Variants in DENND1A observed in about 807,000 individuals in gnomAD.
The protein encoded by DENND1A is DENN domain-containing protein 1A.
In DENND1A, 51 loss-of-function variants were observed where a neutral mutation model predicts 113.7. The ratio of observed to expected loss-of-function variants is 0.45; its 90% CI spans 0.36 to 0.57. The LOEUF (loss-of-function observed/expected upper bound fraction) is 0.57, where lower values mean the gene tolerates loss of function less well. Among genes scored for constraint, DENND1A ranks in the 20% least tolerant of loss-of-function variants. The probability of loss-of-function intolerance (pLI) is 0.00; values close to 1 mark genes in which losing one functional copy is unlikely to be tolerated. For synonymous variants in DENND1A, 565 were observed against 570.8 expected, an observed-to-expected ratio of 0.99 and a Z score of 0.14; for missense variants, 1,258 against 1,395.9, an observed-to-expected ratio of 0.90 and a Z score of 1.57.
At chr9:123,457,285 T>A (rs2048195277) in intron 15 of DENND1A, 63 bp downstream of exon 15, 10 of 1,300,122 alleles carry the variant, frequency 7.7e-6, no homozygotes, top group Admixed American at 3.4e-5. Flanking sequence ...TGCCACTCCT[T>A]GTCAAATATG....
At chr9:123,552,531 C>A (rs905313956) in intron 13 of DENND1A, among the ~76,000 whole-genome samples, 2 of 152,234 alleles carry the variant, frequency 1.3e-5, no homozygotes, top group Non-Finnish European at 2.9e-5. Context: ...ATGACCCCAC[C>A]TCCACCTCCC....
intron 2 of DENND1A, among the ~76,000 whole-genome samples, chr9:123,870,954 A>G (rs1402004075): frequency 1.3e-5 from 2 of 152,132 alleles, no homozygotes. Flanking sequence ...ATTCACTGTC[A>G]TTATTACTGA....
At chr9:123,818,777 T>C (rs1837998977) in intron 2 of DENND1A, among the ~76,000 whole-genome samples, 1 of 152,208 alleles carries the variant, frequency 6.6e-6, no homozygotes, top group Non-Finnish European at 1.5e-5. Flanking sequence ...AGGCTTCAGA[T>C]TCTGCAGCAT....
chr9:123,397,485 A>G lies in DENND1A; in HGVS notation c.1631+5917T>C, dbSNP rs144084375. ...AAGGATATTTACCCTGGCATTTTTT[A>G]TATTAATGAAAACCTGGAAAGGATC... On this transcript the variant is annotated intron_variant, in intron 21 of 23. Coordinates refer to ENST00000394215, the MANE Select transcript of DENND1A (RefSeq NM_001352964.2). Among the ~76,000 whole-genome samples the G allele has an allele frequency of 1.5e-3, 227 of 152,304 alleles. 1 individual carries two copies. The highest frequency in any genetic ancestry group is 4.8e-3 in the African/African-American group (200 of 41,564).
chr9:123,414,193 T>C (rs1237561434), intron 19 of DENND1A: 11 of 1,071,510 alleles, frequency 1.0e-5, no homozygotes, highest in Non-Finnish European at 1.3e-5. Flanking sequence ...TTCCAAGCCT[T>C]ACTGTCCTCA....
intron 13 of DENND1A, among the ~76,000 whole-genome samples, chr9:123,474,130 G>A (rs983123342): frequency 6.6e-6 from 1 of 151,248 alleles, no homozygotes; most frequent in African/African-American, 2.4e-5. Flanking sequence ...GAGTAGCTGG[G>A]ATTACAGGCA....
chr9:123,825,091 A>G (rs1245112540), intron 2 of DENND1A, among the ~76,000 whole-genome samples: 2 of 152,168 alleles, frequency 1.3e-5, no homozygotes, highest in African/African-American at 2.4e-5. Flanking sequence ...AAAATGCACC[A>G]TTAGTCATGA....
chr9:123,900,056 AT>A (rs1158485843), intron 1 of DENND1A, among the ~76,000 whole-genome samples: 2 of 152,240 alleles, frequency 1.3e-5, no homozygotes, highest in Admixed American at 1.3e-4. Flanking sequence ...GATTATCAGT[AT>A]TTACACCATA....
intron 1 of DENND1A, among the ~76,000 whole-genome samples, chr9:123,895,252 T>A (rs549311613): frequency 6.6e-6 from 1 of 152,178 alleles, no homozygotes; most frequent in East Asian, 1.9e-4. Flanking sequence ...ACCCTTCAGA[T>A]CCTCCACTGA....
At chr9:123,778,466 T>C (rs547270623) in intron 3 of DENND1A, among the ~76,000 whole-genome samples, 6 of 152,342 alleles carry the variant, frequency 3.9e-5, no homozygotes, top group African/African-American at 1.2e-4. Flanking sequence ...TCTTTCAAAG[T>C]GTTAAGACAT....
At chr9:123,845,767 A>C (rs1462060895) in intron 2 of DENND1A, among the ~76,000 whole-genome samples, 3 of 151,962 alleles carry the variant, frequency 2.0e-5, no homozygotes, top group Non-Finnish European at 4.4e-5. Context: ...CAAACAAACA[A>C]ACTTAGAAGA....
intron 5 of DENND1A, among the ~76,000 whole-genome samples, chr9:123,689,352 G>A (rs2140350015): frequency 6.6e-6 from 1 of 152,240 alleles, no homozygotes; most frequent in East Asian, 1.9e-4. Context: ...AACTCATATA[G>A]GATTGAATGA....
rs11315081 is a variant in DENND1A at position 123,651,857 on chromosome 9, TAA to T, written c.618+154_618+155del. ...ATAAATGAAATGTGCATTGGCACTG[TAA>T]AAAAAAAAAAATGAACAATTAATGA... is the stretch of plus-strand genomic sequence containing the variant. On this transcript the variant is annotated intron_variant, in intron 9 of 23. Transcript: ENST00000394215. 5.2e-3 allele frequency among the ~76,000 whole-genome samples: 776 copies of T among 149,186 alleles called. 5 individuals are homozygous for T. The highest frequency in any genetic ancestry group is 0.011 in the African/African-American group (442 of 40,994).
intron 18 of DENND1A, among the ~76,000 whole-genome samples, chr9:123,441,144 C>T (rs1250720868): frequency 6.6e-6 from 1 of 152,116 alleles, no homozygotes; most frequent in Non-Finnish European, 1.5e-5. Context: ...TTTTATTCAT[C>T]CTATCAAATT....
intron 13 of DENND1A, among the ~76,000 whole-genome samples, chr9:123,506,241 G>C (rs1352752247): frequency 6.6e-6 from 1 of 152,170 alleles, no homozygotes; most frequent in Non-Finnish European, 1.5e-5. Context: ...GATTAAATGA[G>C]TAATATGTAT....
intron 2 of DENND1A, among the ~76,000 whole-genome samples, chr9:123,847,619 T>C (rs2133085879): frequency 6.6e-6 from 1 of 152,256 alleles, no homozygotes; most frequent in South Asian, 2.1e-4. Context: ...GAAAAAACTC[T>C]GAGATGCAAG....
At chr9:123,621,511 T>A (rs535134038) in intron 10 of DENND1A, among the ~76,000 whole-genome samples, 1 of 152,238 alleles carries the variant, frequency 6.6e-6, no homozygotes, top group Non-Finnish European at 1.5e-5. Context: ...GCACCAGAGA[T>A]ACATTAATAT....
chr9:123,602,733 T>C (rs2059988446), intron 11 of DENND1A, among the ~76,000 whole-genome samples: 1 of 152,218 alleles, frequency 6.6e-6, no homozygotes, highest in African/African-American at 2.4e-5. Context: ...GGCACAATTA[T>C]GGCTCACTGC....
intron 2 of DENND1A, among the ~76,000 whole-genome samples, chr9:123,873,392 C>G (rs868690689): frequency 6.6e-6 from 1 of 152,170 alleles, no homozygotes; most frequent in African/African-American, 2.4e-5. Context: ...AGATGCTCTT[C>G]AGAGCACAGA....
Sources: allele counts gnomAD v4.1 joint callset (sites outside exome capture counted in the v4.1 genomes callset), GRCh38; gene constraint gnomAD v4.1.1; transcripts MANE v1.5; gene names NCBI Gene and HGNC (gene_info 2026-07-23, HGNC 2026-07-21).